TRMT10B: variants seen among roughly 807,000 people sequenced by gnomAD.
The protein encoded by TRMT10B is tRNA methyltransferase 10B.
Under a neutral mutation model 43.8 loss-of-function variants are expected in TRMT10B, and 33 were observed. The observed-to-expected ratio is 0.75, with a 90% CI of 0.57 to 1.01. The LOEUF (loss-of-function observed/expected upper bound fraction) is 1.01, where lower values mean the gene tolerates loss of function less well. TRMT10B is among the 50% of genes least tolerant of loss of function. TRMT10B has a pLI of 0.00. For missense variants in TRMT10B, 362 were observed against 369.8 expected (o/e 0.98, Z 0.17); for synonymous variants, 137 against 130.6 (o/e 1.05, Z -0.34).
intron 7 of TRMT10B, among the ~76,000 whole-genome samples, chr9:37,775,693 CCT>C (rs1828062429): frequency 6.6e-6 from 1 of 152,088 alleles, no homozygotes; most frequent in Non-Finnish European, 1.5e-5. Flanking sequence ...ACCAGCACAC[CCT>C]GTTAATTTTT....
chr9:37,776,530 G>A (rs539136004), intron 8 of TRMT10B, 125 bp downstream of exon 8: 47 of 1,205,054 alleles, frequency 3.9e-5, no homozygotes, highest in Non-Finnish European at 4.8e-5. Flanking sequence ...TTGCATGTAC[G>A]TCATGACATA....
chr9:37,758,691 CAGAA>C, intron 1 of TRMT10B, among the ~76,000 whole-genome samples: 1 of 152,192 alleles, frequency 6.6e-6, no homozygotes, highest in East Asian at 1.9e-4. Context: ...ATTGTCATGA[CAGAA>C]GGAATGGGTA....
intron 1 of TRMT10B, among the ~76,000 whole-genome samples, chr9:37,754,834 C>A (rs554054624): frequency 6.6e-6 from 1 of 152,296 alleles, no homozygotes; most frequent in African/African-American, 2.4e-5. Context: ...TAAATGAAAT[C>A]TCACTTCTTG....
At chr9:37,768,353 C>G in intron 5 of TRMT10B, 125 bp downstream of exon 5, 3 of 1,092,950 alleles carry the variant, frequency 2.7e-6, no homozygotes, top group Non-Finnish European at 2.6e-6. Flanking sequence ...AATTCAGAAC[C>G]TCTCATAAGT....
At chr9:37,770,136 G>A in intron 6 of TRMT10B, 117 bp downstream of exon 6, 1 of 887,124 alleles carries the variant, frequency 1.1e-6, no homozygotes, top group Non-Finnish European at 1.9e-6. Context: ...CCCACAAAAA[G>A]TAATGCACAT....
At chr9:37,776,559 G>A in intron 8 of TRMT10B, 154 bp downstream of exon 8, 7 of 963,144 alleles carry the variant, frequency 7.3e-6, no homozygotes, top group South Asian at 5.5e-5. Flanking sequence ...CCACTAAGAG[G>A]CATTCTGTTT....
chr9:37,774,928 A>G (rs1200402741), intron 7 of TRMT10B, among the ~76,000 whole-genome samples: 2 of 152,220 alleles, frequency 1.3e-5, no homozygotes, highest in Non-Finnish European at 2.9e-5. Context: ...AGAAGAGTTG[A>G]CAGAACTGAG....
upstream of TRMT10B, among the ~76,000 whole-genome samples, chr9:37,753,183 A>C (rs992722870): frequency 9.9e-5 from 15 of 152,168 alleles, no homozygotes; most frequent in Admixed American, 7.9e-4. Context: ...AGAAGGAAGA[A>C]ACTCCAGACA....
rs181355237 is a variant in TRMT10B at position 37,763,970 on chromosome 9, C to T, written c.420+217C>T. 6.6e-6 allele frequency: 5 copies of T among 758,046 alleles called. No homozygotes were observed. In the Admixed American group the frequency reaches 1.6e-4, roughly 24 times the overall value. The allele number at this position is 758,046 out of a possible 1,614,324, so 47.0% of individuals were successfully genotyped here. Reference sequence around the variant, plus strand: ...GTTTGGTTTAGTTTGCAAATTTTTACCTTGTCTTCTGTTTTAAGCCCAACA... The same window carrying T: ...GTTTGGTTTAGTTTGCAAATTTTTATCTTGTCTTCTGTTTTAAGCCCAACA... On this transcript the variant is annotated intron_variant, in intron 4 of 8. Transcript: ENST00000297994.
At chr9:37,763,872 T>C in intron 4 of TRMT10B, 119 bp downstream of exon 4, 1 of 1,579,170 alleles carries the variant, frequency 6.3e-7, no homozygotes, top group Non-Finnish European at 8.6e-7. Flanking sequence ...ACTAGTAAAG[T>C]GTTTGATTTT....
At chr9:37,765,619 G>A (rs970384040) in intron 4 of TRMT10B, among the ~76,000 whole-genome samples, 1 of 152,170 alleles carries the variant, frequency 6.6e-6, no homozygotes, top group Non-Finnish European at 1.5e-5. Context: ...GGATGGCTGG[G>A]TCAAATGGTA....
At chr9:37,770,870 C>T in intron 7 of TRMT10B, 131 bp downstream of exon 7, 1 of 886,550 alleles carries the variant, frequency 1.1e-6, no homozygotes, top group South Asian at 2.1e-5. Context: ...GCCATCCCCA[C>T]CAGGTTGGCC....
chr9:37,753,116 A>T (rs976670455), upstream of TRMT10B, among the ~76,000 whole-genome samples: 4 of 151,418 alleles, frequency 2.6e-5, no homozygotes, highest in African/African-American at 9.7e-5. Flanking sequence ...GAGATTTAAC[A>T]CTCATTGCGA....
intron 7 of TRMT10B, among the ~76,000 whole-genome samples, chr9:37,770,966 T>C (rs1827512051): frequency 6.6e-6 from 1 of 152,220 alleles, no homozygotes; most frequent in South Asian, 2.1e-4. Context: ...TGTTTGGTAA[T>C]TACATAGCCA....
chr9:37,762,166 C>A lies in TRMT10B; in HGVS notation c.186+49C>A, dbSNP rs1006746693. The A allele has an allele frequency of 2.6e-6, 4 of 1,545,926 alleles. No individual in the cohort carries two copies. In the African/African-American group the frequency reaches 5.5e-5, roughly 21 times the overall value. On this transcript the variant is annotated intron_variant, in intron 2 of 8. Transcript: ENST00000297994. ...ATAGGCCTTGAATGATGGAATGTCT[C>A]AAGACACCCCTGTTTTAAAGATGGA...
In TRMT10B at chr9:37,763,692, C is replaced by T. The variant is rs1460798780; in HGVS notation, c.359C>T (p.Ala120Val). Reference protein sequence around the residue: ...RALTKDKLLEAKHSGPRLCID... With the variant: ...RALTKDKLLEVKHSGPRLCID... Reference sequence around the variant, plus strand: ...CTAACCAAAGACAAACTTTTGGAAGCCAAACACTCAGGACCAAGACTATGT... The same window carrying T: ...CTAACCAAAGACAAACTTTTGGAAGTCAAACACTCAGGACCAAGACTATGT... Residue 120 changes from alanine to valine, a missense_variant, in exon 4 of 9, where the codon GCC (alanine) becomes GTC (valine). Ala to Val is a moderately conservative substitution (Grantham distance 64). Coordinates refer to ENST00000297994, the MANE Select transcript of TRMT10B (RefSeq NM_144964.4). 15 of 1,614,152 alleles carry T rather than the reference C, an allele frequency of 9.3e-6. No individual in the cohort carries two copies. Among genetic ancestry groups the T allele is most frequent in the Non-Finnish European group, 1.1e-5 (13 of 1,180,016 alleles).
chr9:37,771,718 G>A (rs1827603377), intron 7 of TRMT10B, among the ~76,000 whole-genome samples: 1 of 152,032 alleles, frequency 6.6e-6, no homozygotes, highest in African/African-American at 2.4e-5. Context: ...CTATTTACAT[G>A]GTCTCAAAGT....
In TRMT10B at chr9:37,773,956, T is replaced by TAA. The variant is rs544100530; in HGVS notation, c.721-2309_721-2308dup. Among the ~76,000 whole-genome samples, 803 of 127,620 alleles carry TAA rather than the reference T, an allele frequency of 6.3e-3. 5 individuals carry two copies. Among genetic ancestry groups the TAA allele is most frequent in the South Asian group, 0.018 (67 of 3,750 alleles). The allele number at this position is 127,620 out of a possible 152,430, so 83.7% of individuals were successfully genotyped here. ...ATGCAACACAGTGAGACCCTGTCTC[T>TAA]AAAAAAAAAAAAAAAAAACAACAAT... is the stretch of plus-strand genomic sequence containing the variant. On this transcript the variant is annotated intron_variant, in intron 7 of 8. Coordinates refer to ENST00000297994, the MANE Select transcript of TRMT10B (RefSeq NM_144964.4).
chr9:37,757,367 C>T lies in TRMT10B; in HGVS notation c.-30+3515C>T, dbSNP rs115395962. 3.7e-3 allele frequency among the ~76,000 whole-genome samples: 569 copies of T among 152,296 alleles called. 5 individuals are homozygous for T. Among genetic ancestry groups the T allele is most frequent in the African/African-American group, 0.013 (549 of 41,566 alleles). On this transcript the variant is annotated intron_variant, in intron 1 of 8. Coordinates refer to ENST00000297994, the MANE Select transcript of TRMT10B (RefSeq NM_144964.4). ...CTGCGATTACAGGCATGAGCTTCTG[C>T]GCCCAGCCAGCTTGGTATTTTCCTC... is the stretch of plus-strand genomic sequence containing the variant.
Sources: allele counts gnomAD v4.1 joint callset (sites outside exome capture counted in the v4.1 genomes callset), GRCh38; gene constraint gnomAD v4.1.1; transcripts MANE v1.5; gene names NCBI Gene and HGNC (gene_info 2026-07-23, HGNC 2026-07-21).